Variants in ZNF569 observed in about 807,000 individuals in gnomAD.
ZNF569 encodes DNA-binding protein.
Under a neutral mutation model 56.3 loss-of-function variants are expected in ZNF569, and 38 were observed. That is an observed-to-expected ratio of 0.68 (90% CI 0.52 to 0.88). The LOEUF (loss-of-function observed/expected upper bound fraction) is 0.88, where lower values mean the gene tolerates loss of function less well. Among genes scored for constraint, ZNF569 ranks in the 40% least tolerant of loss-of-function variants. ZNF569 has a pLI of 0.00. For synonymous variants in ZNF569, 241 were observed against 262.9 expected (o/e 0.92, Z 0.81); for missense variants, 666 against 809.2 (o/e 0.82, Z 2.15).
In ZNF569 at chr19:37,418,101, AAATAATAAT is replaced by A. The variant is rs199794961; in HGVS notation, c.239-3691_239-3683del. Among the ~76,000 whole-genome samples the A allele has an allele frequency of 1.2e-3, 165 of 143,284 alleles. 1 individual carries two copies. The highest frequency in any genetic ancestry group is 3.6e-3 in the Middle Eastern group (1 of 280). 94.0% of individuals were successfully genotyped at this position (143,284 alleles called of 152,430 possible). The stretch of plus-strand genomic sequence containing the variant: ...GGGTAACAGAGTGAGACTCCATCTC[AAATAATAAT>A]AATAATAATAATAATAATAATAATA... On this transcript the variant is annotated intron_variant, in intron 5 of 5. Coordinates refer to ENST00000316950, the MANE Select transcript of ZNF569 (RefSeq NM_152484.3).
At chr19:37,433,538 A>G (rs112469834) in intron 3 of ZNF569, among the ~76,000 whole-genome samples, 15 of 152,328 alleles carry the variant, frequency 9.8e-5, no homozygotes, top group Non-Finnish European at 1.9e-4. Context: ...AAATAAGACT[A>G]CTTCAAGACA....
In ZNF569 at chr19:37,412,347, G is replaced by T; in HGVS notation, c.*250C>A. The T allele has an allele frequency of 2.1e-6, 1 of 483,020 alleles. No individual in the cohort carries two copies. The highest frequency in any genetic ancestry group is 3.3e-6 in the Non-Finnish European group (1 of 307,128). 29.9% of individuals were successfully genotyped at this position (483,020 alleles called of 1,614,324 possible). ...TTGTTATGCTGATGGAAGATACCTT[G>T]TTTCAGATTTCAATGAGAATGCTGA... On this transcript the variant is annotated 3_prime_UTR_variant, in exon 6 of 6. Transcript: ENST00000316950.
chr19:37,434,299 CAAA>C (rs1165065037), intron 3 of ZNF569, among the ~76,000 whole-genome samples: 6 of 71,382 alleles, frequency 8.4e-5, no homozygotes, highest in Admixed American at 1.4e-4. Flanking sequence ...GACTCTGTCT[CAAA>C]AAAAAAAAAA....
At chr19:37,459,090 T>C (rs1194511633) in intron 2 of ZNF569, among the ~76,000 whole-genome samples, 1 of 152,026 alleles carries the variant, frequency 6.6e-6, no homozygotes, top group Non-Finnish European at 1.5e-5. Flanking sequence ...CAGACATCTA[T>C]TTTCCCAATT....
chr19:37,437,379 C>G (rs117268608), intron 3 of ZNF569, among the ~76,000 whole-genome samples: 1,579 of 152,122 alleles, frequency 0.01, 16 homozygotes, highest in Non-Finnish European at 0.016. Context: ...AGTATCATAC[C>G]GAATGGGGAA....
Position 37,412,648 on chromosome 19 carries a change from A to G in ZNF569, c.2010T>C (p.Ala670=). 2 of 1,611,576 alleles carry G rather than the reference A, an allele frequency of 1.2e-6. No individual in the cohort carries two copies. Among genetic ancestry groups the G allele is most frequent in the Non-Finnish European group, 1.7e-6 (2 of 1,179,130 alleles). The change falls in exon 6 of 6, where the codon GCT becomes GCC. Residue 670 remains alanine (A), a synonymous_variant. Transcript: ENST00000316950. ...TAACAAGGTGCGACTTTTGGCTGAA[A>G]GCCTTGCCACACTCAATACAGTGAT... is the stretch of plus-strand genomic sequence containing the variant. ...KPYHCIECGK[A]FSQKSHLVRH...
intron 3 of ZNF569, among the ~76,000 whole-genome samples, chr19:37,431,846 G>A (rs1179321895): frequency 6.6e-6 from 1 of 152,144 alleles, no homozygotes; most frequent in Non-Finnish European, 1.5e-5. Flanking sequence ...ACCACAAGCT[G>A]ACTGAAGAGC....
chr19:37,426,439 T>G (rs2041135300), intron 3 of ZNF569, 61 bp from the exon 4 acceptor site: 1 of 1,492,470 alleles, frequency 6.7e-7, no homozygotes, highest in African/African-American at 1.4e-5. Context: ...GTAAACAAAA[T>G]ATATTGAACC....
chr19:37,423,550 A>ACAGATTGTTTTAACT, intron 5 of ZNF569, among the ~76,000 whole-genome samples: 1 of 152,224 alleles, frequency 6.6e-6, no homozygotes, highest in African/African-American at 2.4e-5. Flanking sequence ...TCCTATAGGA[A>ACAGATTGTTTTAACT]CAGATTGTTT....
At chr19:37,447,935 C>G (rs2041525803) in intron 2 of ZNF569, among the ~76,000 whole-genome samples, 1 of 152,072 alleles carries the variant, frequency 6.6e-6, no homozygotes, top group Non-Finnish European at 1.5e-5. Context: ...TCTCATATTC[C>G]CAAGATGAAC....
chr19:37,467,714 T>C (rs117373698), upstream of ZNF569: 5,021 of 654,076 alleles, frequency 7.7e-3, 116 homozygotes, highest in South Asian at 0.053. Context: ...AGGAGTGACG[T>C]AGTGTGACTG....
At position 37,414,020 on chromosome 19, in the gene ZNF569, G is replaced by A. The variant is rs1293247349; in HGVS notation, c.638C>T (p.Pro213Leu). The change falls in exon 6 of 6, where the codon CCC (proline) becomes CTC (leucine). Residue 213 changes from proline (P) to leucine (L), a missense_variant. Physicochemically the swap from Pro to Leu is moderately conservative, Grantham distance 98. Transcript: ENST00000316950. ...RHLRIHTGEK[P>L]YECSNCRKAF... ...TTTTCTACAGTTACTACATTCATAG[G>A]GCTTCTCTCCAGTATGAATTCTCAG... is the stretch of plus-strand genomic sequence containing the variant. The A allele has an allele frequency of 1.2e-6, 2 of 1,613,346 alleles. No homozygotes were observed. The highest frequency in any genetic ancestry group is 1.7e-6 in the Non-Finnish European group (2 of 1,179,832).
At chr19:37,443,061 A>C (rs1243553787) in intron 3 of ZNF569, among the ~76,000 whole-genome samples, 14 of 152,212 alleles carry the variant, frequency 9.2e-5, no homozygotes, top group Non-Finnish European at 1.9e-4. Context: ...GGCAGATAAA[A>C]ATACATGGTC....
intron 2 of ZNF569, among the ~76,000 whole-genome samples, chr19:37,450,879 A>ATGGT (rs1406435849): frequency 3.3e-5 from 5 of 152,062 alleles, no homozygotes; most frequent in Admixed American, 3.3e-4. Flanking sequence ...GTTTGACCCA[A>ATGGT]TGGTTATTCA....
At chr19:37,434,503 A>G (rs2041277379) in intron 3 of ZNF569, among the ~76,000 whole-genome samples, 2 of 152,212 alleles carry the variant, frequency 1.3e-5, no homozygotes, top group Non-Finnish European at 2.9e-5. Flanking sequence ...CATGGCCAAC[A>G]TGGTGAAACC....
At position 37,413,311 on chromosome 19, in the gene ZNF569, C is replaced by T; in HGVS notation, c.1347G>A (p.Gln449=). The T allele has an allele frequency of 6.2e-7, 1 of 1,608,036 alleles. No homozygotes were observed. Among genetic ancestry groups the T allele is most frequent in the Non-Finnish European group, 8.5e-7 (1 of 1,178,106 alleles). Residue 449 remains glutamine (Q), a synonymous_variant, in exon 6 of 6, where the codon CAG becomes CAA. Transcript: ENST00000316950. ...TCTGGTGTCTAACAAGATTTGACAT[C>T]TGTATAAAAGCTTTCCCACATTCAT... ...ECNECGKAFI[Q]MSNLVRHQRI...
chr19:37,419,585 G>A (rs945314409), intron 5 of ZNF569, among the ~76,000 whole-genome samples: 5 of 151,988 alleles, frequency 3.3e-5, no homozygotes, highest in African/African-American at 7.2e-5. Context: ...TTAGCCGGGC[G>A]TGGTGGCAGG....
rs899300835 is a variant in ZNF569 at position 37,444,035 on chromosome 19, GTAAA to G, written c.15+868_15+871del. 7.9e-5 allele frequency among the ~76,000 whole-genome samples: 12 copies of G among 151,916 alleles called. No individual in the cohort carries two copies. The South Asian group carries it at 1.2e-3, about 16-fold the overall frequency. ...TCCATCTCAAAAAATAAATAAATAA[GTAAA>G]TAAATAAATAAATTTATGTATGACA... On this transcript the variant is annotated intron_variant, in intron 3 of 5. Coordinates refer to ENST00000316950, the MANE Select transcript of ZNF569 (RefSeq NM_152484.3).
chr19:37,461,814 C>G (rs965481368), intron 2 of ZNF569, among the ~76,000 whole-genome samples: 1 of 152,168 alleles, frequency 6.6e-6, no homozygotes, highest in African/African-American at 2.4e-5. Flanking sequence ...GCCTCTCTCT[C>G]ACATTATTCC....
Sources: allele counts gnomAD v4.1 joint callset (sites outside exome capture counted in the v4.1 genomes callset), GRCh38; gene constraint gnomAD v4.1.1; transcripts MANE v1.5; gene names NCBI Gene and HGNC (gene_info 2026-07-23, HGNC 2026-07-21).